Variants in NTPCR observed in about 807,000 individuals in gnomAD.
NTPCR encodes the protein nucleoside-triphosphatase, cancer-related.
NTPCR carries 15 observed loss-of-function variants against 19.5 expected under a neutral mutation model. That is an observed-to-expected ratio of 0.77 (90% CI 0.51 to 1.18). The LOEUF (loss-of-function observed/expected upper bound fraction) is 1.18, where lower values mean the gene tolerates loss of function less well. NTPCR is among the 50% of genes most tolerant of loss of function. NTPCR has a pLI of 0.00. For missense variants in NTPCR, 206 were observed against 240.4 expected (o/e 0.86, Z 0.95); for synonymous variants, 90 against 95.8 (o/e 0.94, Z 0.36).
chr1:232,952,209 C>T (rs1277972627), intron 1 of NTPCR, among the ~76,000 whole-genome samples: 1 of 151,974 alleles, frequency 6.6e-6, no homozygotes, highest in Non-Finnish European at 1.5e-5. Context: ...ATTTCTTTTC[C>T]ATTTATTTAT....
intron 3 of NTPCR, chr1:232,961,886 T>C (rs1230429394): frequency 1.3e-5 from 2 of 152,246 alleles, no homozygotes; most frequent in Non-Finnish European, 2.9e-5. Flanking sequence ...ATATTAAAAC[T>C]ATGTGTGCTT....
intron 1 of NTPCR, among the ~76,000 whole-genome samples, chr1:232,954,663 G>A (rs1668463500): frequency 6.6e-6 from 1 of 152,216 alleles, no homozygotes; most frequent in Non-Finnish European, 1.5e-5. Flanking sequence ...ATATGCATAA[G>A]GATGGTAATT....
At chr1:232,976,095 A>T (rs1463654833) in intron 4 of NTPCR, among the ~76,000 whole-genome samples, 2 of 152,228 alleles carry the variant, frequency 1.3e-5, no homozygotes, top group Non-Finnish European at 2.9e-5. Context: ...GGGAGTATCA[A>T]AATATTAATA....
intron 3 of NTPCR, chr1:232,962,488 T>A (rs1415967774): frequency 6.6e-6 from 1 of 152,232 alleles, no homozygotes; most frequent in East Asian, 1.9e-4. Context: ...AATGCTGGCC[T>A]TTTTCATAAT....
chr1:232,981,620 T>A lies in NTPCR; in HGVS notation c.*3389T>A, dbSNP rs1669284107. On this transcript the variant is annotated 3_prime_UTR_variant, in exon 5 of 5. Transcript: ENST00000366628. Reference sequence around the variant, plus strand: ...ACACTGCAAAATTTAGAATCAATAATGCCAAATTGGCCACATGATTTATAT... The same window carrying A: ...ACACTGCAAAATTTAGAATCAATAAAGCCAAATTGGCCACATGATTTATAT... 6.6e-6 allele frequency: 1 copy of A among 152,134 alleles called. No homozygotes were observed. The highest frequency in any genetic ancestry group is 1.5e-5 in the Non-Finnish European group (1 of 68,014). The allele number at this position is 152,134 out of a possible 1,614,324, so 9.4% of individuals were successfully genotyped here.
rs1426429997 is a variant in NTPCR, at chr1:232,955,720, G to GT, written c.197+2dup. The GT allele has an allele frequency of 6.2e-7, 1 of 1,613,128 alleles. No individual in the cohort carries two copies. The highest frequency in any genetic ancestry group is 1.7e-5 in the Admixed American group (1 of 59,986). On this transcript the variant is annotated splice_donor_variant, in intron 2 of 4. Transcript: ENST00000366628. LOFTEE classifies it high-confidence loss of function. ...CCCGGGGGCCTTTATCGAGAGTTGG[G>GT]TACTGATATTTCATTTCTGTGGTGT...
rs1669319495 is a variant in NTPCR at position 232,982,865 on chromosome 1, A to G, written c.*4634A>G. 6.6e-6 allele frequency: 1 copy of G among 152,220 alleles called. No individual in the cohort carries two copies. Among genetic ancestry groups the G allele is most frequent in the Non-Finnish European group, 1.5e-5 (1 of 68,044 alleles). 9.4% of individuals were successfully genotyped at this position (152,220 alleles called of 1,614,324 possible). A position where few individuals can be genotyped will look rare whatever the true frequency, so the allele number is the denominator to read the frequency against. On this transcript the variant is annotated 3_prime_UTR_variant, in exon 5 of 5. Coordinates refer to ENST00000366628, the MANE Select transcript of NTPCR (RefSeq NM_032324.3). ...TGGGGCTTGGCTGTAAAGTTGCCCA[A>G]GAGGATTACAGGAGCTGCCAGCCAA... is the stretch of plus-strand genomic sequence containing the variant.
intron 1 of NTPCR, among the ~76,000 whole-genome samples, chr1:232,951,587 G>C (rs1176521120): frequency 6.6e-6 from 1 of 152,204 alleles, no homozygotes; most frequent in African/African-American, 2.4e-5. Flanking sequence ...GATTTCTTCA[G>C]CTCCTTTGCA....
intron 4 of NTPCR, among the ~76,000 whole-genome samples, chr1:232,971,870 A>T (rs1321236365): frequency 2.6e-5 from 4 of 152,182 alleles, no homozygotes; most frequent in African/African-American, 9.7e-5. Context: ...CTCTTATTTT[A>T]CATTTTTGGT....
At chr1:232,978,072 C>A in intron 4 of NTPCR, 91 bp from the exon 5 acceptor site, 1 of 1,098,076 alleles carries the variant, frequency 9.1e-7, no homozygotes, top group Non-Finnish European at 1.4e-6. Context: ...CTCTCCCAGC[C>A]TTCCAGGCGT....
rs533457562 is a variant in NTPCR, at chr1:232,983,129, C to T, written c.*4898C>T. 1 of 152,186 alleles carries T rather than the reference C, an allele frequency of 6.6e-6. No individual in the cohort carries two copies. Among genetic ancestry groups the T allele is most frequent in the African/African-American group, 2.4e-5 (1 of 41,534 alleles). 9.4% of individuals were successfully genotyped at this position (152,186 alleles called of 1,614,324 possible). The stretch of plus-strand genomic sequence containing the variant: ...TTTCCAAGGGGCAAGAGATTCTCTA[C>T]AATACCCTTCCCCCAACCCTCTCCT... On this transcript the variant is annotated 3_prime_UTR_variant, in exon 5 of 5. Coordinates refer to ENST00000366628, the MANE Select transcript of NTPCR (RefSeq NM_032324.3).
At position 232,969,822 on chromosome 1, in the gene NTPCR, C is replaced by T. The variant is rs1668922549; in HGVS notation, c.295-87C>T. ...AAAAAGGTTTCTGTCTTTTTTACCT[C>T]ATTGGTGAGTGATTGGGGAGTGGGA... On this transcript the variant is annotated intron_variant, in intron 3 of 4. Transcript: ENST00000366628. 9 of 1,093,390 alleles carry T rather than the reference C, an allele frequency of 8.2e-6. No homozygotes were observed. The South Asian group carries it at 8.9e-5, about 11-fold the overall frequency. The allele number at this position is 1,093,390 out of a possible 1,614,324, so 67.7% of individuals were successfully genotyped here.
chr1:232,950,808 G>A, intron 1 of NTPCR, 64 bp downstream of exon 1: 1 of 1,166,620 alleles, frequency 8.6e-7, no homozygotes, highest in Non-Finnish European at 1.2e-6. Context: ...GGCTGCGGGC[G>A]ACCTTGTGCT....
intron 4 of NTPCR, 117 bp from the exon 5 acceptor site, chr1:232,978,046 C>T (rs1669190490): frequency 1.3e-6 from 1 of 780,220 alleles, no homozygotes; most frequent in Non-Finnish European, 2.1e-6. Flanking sequence ...GCCTGGGTAA[C>T]AAAACATACC....
intron 4 of NTPCR, among the ~76,000 whole-genome samples, chr1:232,974,141 A>C (rs1669061226): frequency 6.6e-6 from 1 of 152,254 alleles, no homozygotes; most frequent in Non-Finnish European, 1.5e-5. Context: ...TCTTGAAAGC[A>C]GTGAAAGGAA....
At chr1:232,958,323 G>A (rs1464429926) in intron 3 of NTPCR, among the ~76,000 whole-genome samples, 2 of 152,210 alleles carry the variant, frequency 1.3e-5, no homozygotes, top group African/African-American at 2.4e-5. Context: ...CAGCCACACT[G>A]GTTCAATCAG....
intron 3 of NTPCR, chr1:232,968,432 C>G (rs1571963260): frequency 6.6e-6 from 1 of 152,254 alleles, no homozygotes; most frequent in Non-Finnish European, 1.5e-5. Flanking sequence ...CACCCACTAT[C>G]TTATCTTGTC....
At chr1:232,960,281 G>A (rs1451862838) in intron 3 of NTPCR, among the ~76,000 whole-genome samples, 4 of 149,618 alleles carry the variant, frequency 2.7e-5, no homozygotes, top group East Asian at 3.9e-4. Context: ...GGCTCAGGAG[G>A]GCCAGGCACA....
Position 232,978,240 on chromosome 1 carries a change from G to C in NTPCR, c.*9G>C. On this transcript the variant is annotated 3_prime_UTR_variant, in exon 5 of 5. Transcript: ENST00000366628. ...AGAGCAGCAGGAAGTGAAGACACGT[G>C]CATTCCTGCCTTCCGTGAAGGAGTG... 1 of 1,612,984 alleles carries C rather than the reference G, an allele frequency of 6.2e-7. No individual in the cohort carries two copies.
Sources: allele counts gnomAD v4.1 joint callset (sites outside exome capture counted in the v4.1 genomes callset), GRCh38; gene constraint gnomAD v4.1.1; transcripts MANE v1.5; gene names NCBI Gene and HGNC (gene_info 2026-07-23, HGNC 2026-07-21).